ABCC1: variants seen among roughly 807,000 people sequenced by gnomAD.
The protein encoded by ABCC1 is multidrug resistance-associated protein 1.
A neutral mutation model predicts 172.9 loss-of-function variants in ABCC1; 83 were observed. The ratio of observed to expected loss-of-function variants is 0.48; its 90% CI spans 0.40 to 0.58. The LOEUF (loss-of-function observed/expected upper bound fraction) is 0.58, where lower values mean the gene tolerates loss of function less well. Ranked by LOEUF, ABCC1 falls within the 20% of genes least tolerant of loss-of-function variation. ABCC1 has a pLI of 0.00. For missense variants in ABCC1, 1,817 were observed against 2,002.7 expected (o/e 0.91, Z 1.77); for synonymous variants, 937 against 825.2 (o/e 1.14, Z -2.32).
intron 24 of ABCC1, 106 bp from the exon 25 acceptor site, chr16:16,124,683 G>C: frequency 6.7e-7 from 1 of 1,499,804 alleles, no homozygotes; most frequent in Non-Finnish European, 9.1e-7. Flanking sequence ...TTACTGCGGA[G>C]TTACTTGAGT....
At chr16:16,026,568 A>C (rs984742137) in intron 5 of ABCC1, among the ~76,000 whole-genome samples, 1 of 145,468 alleles carries the variant, frequency 6.9e-6, no homozygotes, top group Non-Finnish European at 1.5e-5. Flanking sequence ...AGATCCATAG[A>C]AGAGAGGCGG....
intron 27 of ABCC1, among the ~76,000 whole-genome samples, chr16:16,132,420 C>T (rs533145123): frequency 6.6e-5 from 10 of 151,646 alleles, no homozygotes; most frequent in African/African-American, 1.7e-4. Flanking sequence ...CCGGTCTGCC[C>T]GCCTCAGCTT....
chr16:16,096,360 CAAGATTGAGAGT>C (rs1166341938), intron 19 of ABCC1, among the ~76,000 whole-genome samples: 1 of 152,170 alleles, frequency 6.6e-6, no homozygotes, highest in Admixed American at 6.5e-5. Flanking sequence ...TCTCCCTTGA[CAAGATTGAGAGT>C]ATATCTTAGA....
chr16:16,005,265 G>A (rs2047484352), intron 1 of ABCC1, among the ~76,000 whole-genome samples: 1 of 151,658 alleles, frequency 6.6e-6, no homozygotes. Flanking sequence ...ATGGACAACT[G>A]GGCCTAATCT....
intron 3 of ABCC1, among the ~76,000 whole-genome samples, chr16:16,011,737 T>C (rs947193031): frequency 1.3e-5 from 2 of 152,038 alleles, no homozygotes; most frequent in Non-Finnish European, 2.9e-5. Flanking sequence ...TGGTGTGATC[T>C]TGAGTTGCCG....
At chr16:16,124,408 T>G (rs1219910930) in intron 24 of ABCC1, among the ~76,000 whole-genome samples, 3 of 148,300 alleles carry the variant, frequency 2.0e-5, no homozygotes, top group African/African-American at 5.1e-5. Flanking sequence ...TGTGTGTGTG[T>G]GTATGTGTGT....
chr16:16,136,771 C>T, intron 29 of ABCC1, 127 bp downstream of exon 29: 2 of 1,122,616 alleles, frequency 1.8e-6, no homozygotes, highest in East Asian at 2.6e-5. Context: ...TTTGTCCCTT[C>T]ACCTCTTGGA....
intron 22 of ABCC1, among the ~76,000 whole-genome samples, chr16:16,113,040 T>C (rs2044690201): frequency 6.6e-6 from 1 of 152,126 alleles, no homozygotes. Flanking sequence ...TCCTAGGAAG[T>C]TGCTGCTCTG....
chr16:16,116,419 T>C (rs2044870464), intron 23 of ABCC1, among the ~76,000 whole-genome samples: 1 of 152,144 alleles, frequency 6.6e-6, no homozygotes, highest in Non-Finnish European at 1.5e-5. Context: ...ACATATCCTG[T>C]TTTTTTCTGT....
chr16:16,121,060 C>A (rs1176495661), intron 23 of ABCC1, among the ~76,000 whole-genome samples: 1 of 152,182 alleles, frequency 6.6e-6, no homozygotes, highest in Non-Finnish European at 1.5e-5. Context: ...TTACCAGGCA[C>A]TGTGCTTAGT....
intron 30 of ABCC1, among the ~76,000 whole-genome samples, chr16:16,140,794 A>G (rs1220959170): frequency 1.3e-5 from 2 of 152,236 alleles, no homozygotes; most frequent in African/African-American, 4.8e-5. Flanking sequence ...CAGAAAGCAT[A>G]TGGCCTGCAG....
chr16:16,048,984 CAAAA>C (rs112797521), intron 10 of ABCC1, among the ~76,000 whole-genome samples: 1 of 103,586 alleles, frequency 9.7e-6, no homozygotes. Context: ...ACTCCAATTC[CAAAA>C]AAAAAAAAAA....
intron 13 of ABCC1, among the ~76,000 whole-genome samples, chr16:16,069,681 A>T (rs557476308): frequency 6.6e-6 from 1 of 152,136 alleles, no homozygotes; most frequent in African/African-American, 2.4e-5. Context: ...AAGTGTACAC[A>T]GAAGTAGAAT....
At chr16:15,999,211 TAGCC>T (rs533785773) in intron 1 of ABCC1, among the ~76,000 whole-genome samples, 164 of 152,118 alleles carry the variant, frequency 1.1e-3, no homozygotes, top group African/African-American at 3.7e-3. Flanking sequence ...TTCACCGTGT[TAGCC>T]AGGATGGTCT....
intron 1 of ABCC1, among the ~76,000 whole-genome samples, chr16:15,991,821 C>T (rs2046879181): frequency 6.6e-6 from 1 of 152,072 alleles, no homozygotes; most frequent in Admixed American, 6.6e-5. Context: ...CCTTTCGTTG[C>T]CTTGACAATG....
intron 16 of ABCC1, 74 bp from the exon 17 acceptor site, chr16:16,083,292 G>C (rs2050876064): frequency 2.7e-6 from 4 of 1,479,588 alleles, no homozygotes; most frequent in South Asian, 2.4e-5. Flanking sequence ...TAGCAGGCGG[G>C]TGGGCCAGCT....
At chr16:15,969,073 G>T (rs534886207) in intron 1 of ABCC1, among the ~76,000 whole-genome samples, 3 of 152,038 alleles carry the variant, frequency 2.0e-5, no homozygotes, top group South Asian at 2.1e-4. Flanking sequence ...CTGTGGTGGC[G>T]CTTGCCTATA....
intron 5 of ABCC1, among the ~76,000 whole-genome samples, chr16:16,028,837 T>C (rs1368116422): frequency 6.6e-6 from 1 of 152,126 alleles, no homozygotes; most frequent in Non-Finnish European, 1.5e-5. Flanking sequence ...GGTCATCAGC[T>C]AGAATATAGC....
chr16:16,039,530 A>G (rs1333585935), intron 7 of ABCC1, among the ~76,000 whole-genome samples: 4 of 151,844 alleles, frequency 2.6e-5, no homozygotes, highest in Admixed American at 2.0e-4. Context: ...TGGCCTCCCA[A>G]AGTGCTGGGA....
Sources: allele counts gnomAD v4.1 joint callset (sites outside exome capture counted in the v4.1 genomes callset), GRCh38; gene constraint gnomAD v4.1.1; transcripts MANE v1.5; gene names NCBI Gene and HGNC (gene_info 2026-07-23, HGNC 2026-07-21).